TENM4: variants seen among roughly 807,000 people sequenced by gnomAD.
The protein encoded by TENM4 is teneurin transmembrane protein 4.
A neutral mutation model predicts 243.3 loss-of-function variants in TENM4; 82 were observed. That is an observed-to-expected ratio of 0.34 (90% CI 0.28 to 0.40). TENM4 has a LOEUF of 0.40. TENM4 is among the 10% of genes least tolerant of loss of function. The pLI, the probability that TENM4 is intolerant of heterozygous loss-of-function variation, is 1.00. For synonymous variants in TENM4, 1,412 were observed against 1,456.3 expected (o/e 0.97, Z 0.69); for missense variants, 3,138 against 3,673.3 (o/e 0.85, Z 3.77).
intron 6 of TENM4, among the ~76,000 whole-genome samples, chr11:79,034,492 T>C (rs1859325965): frequency 6.6e-6 from 1 of 152,206 alleles, no homozygotes; most frequent in African/African-American, 2.4e-5. Context: ...ATTACAGACA[T>C]TTTTAGCTTT....
In TENM4 at chr11:78,669,694, G is replaced by A. The variant is rs61747204; in HGVS notation, c.6651C>T (p.Tyr2217=). The part of the protein sequence containing the change: ...INDKPLWRYS[Y]DLNGNLHLLS... ...GTAAGTGCAGGTTCCCATTGAGGTCGTAGCTGTAGCGCCAGAGTGGCTTGT... is the reference window on the plus strand; with the variant it reads ...GTAAGTGCAGGTTCCCATTGAGGTCATAGCTGTAGCGCCAGAGTGGCTTGT... The change falls in exon 32 of 34, where the codon TAC becomes TAT. Residue 2217 remains tyrosine, a synonymous_variant. Coordinates refer to ENST00000278550, the MANE Select transcript of TENM4 (RefSeq NM_001098816.3). This position sits in a 1 kb window ranked among gnomAD's most constrained non-coding sequence, Gnocchi z 6.4. 8,507 of 1,614,014 alleles carry A rather than the reference G, an allele frequency of 5.3e-3. 369 individuals are homozygous for A. In the African/African-American group the frequency reaches 0.098, roughly 19 times the overall value.
At chr11:78,724,679 T>A (rs1380339564) in intron 23 of TENM4, among the ~76,000 whole-genome samples, 1 of 152,228 alleles carries the variant, frequency 6.6e-6, no homozygotes, top group Non-Finnish European at 1.5e-5. Context: ...TCCCTGCTAT[T>A]TAGCTGGGCA....
intron 1 of TENM4, among the ~76,000 whole-genome samples, chr11:79,423,601 C>T (rs544197099): frequency 4.2e-4 from 51 of 121,842 alleles, no homozygotes; most frequent in Non-Finnish European, 6.6e-4. Flanking sequence ...TCATACTTAA[C>T]AAGGTGGGGA....
chr11:78,932,252 T>C (rs1254444221), intron 6 of TENM4, among the ~76,000 whole-genome samples: 1 of 151,228 alleles, frequency 6.6e-6, no homozygotes, highest in East Asian at 1.9e-4. Flanking sequence ...AAAACAACAA[T>C]AACCCCCTCA....
At position 78,660,505 on chromosome 11, in the gene TENM4, A is replaced by T. The variant is rs573264067; in HGVS notation, c.7551+944T>A. Among the ~76,000 whole-genome samples the T allele has an allele frequency of 2.6e-5, 4 of 152,240 alleles. No homozygotes were observed. The South Asian group carries it at 8.3e-4, about 32-fold the overall frequency. ...CCAGCGTACAGGGGTGCAGAATCCCATTCTCCGGGGTCTGGTAGGAGATAG... is the reference window on the plus strand; with the variant it reads ...CCAGCGTACAGGGGTGCAGAATCCCTTTCTCCGGGGTCTGGTAGGAGATAG... On this transcript the variant is annotated intron_variant, in intron 33 of 33. Coordinates refer to ENST00000278550, the MANE Select transcript of TENM4 (RefSeq NM_001098816.3).
rs59227835 is a variant in TENM4 at position 79,286,499 on chromosome 11, CAAAA to C, written c.-265+10985_-265+10988del. On this transcript the variant is annotated intron_variant, in intron 2 of 33. Coordinates refer to ENST00000278550, the MANE Select transcript of TENM4 (RefSeq NM_001098816.3). ...GAAACCCCGTCTCTACTAAAAAATC[CAAAA>C]AAAAAAAAAAAAAAAATTAGCTGGG... Among the ~76,000 whole-genome samples, 483 of 126,486 alleles carry C rather than the reference CAAAA, an allele frequency of 3.8e-3. 2 individuals are homozygous for C. The highest frequency in any genetic ancestry group is 5.7e-3 in the East Asian group (26 of 4,522). 83.0% of individuals were successfully genotyped at this position (126,486 alleles called of 152,430 possible).
chr11:79,073,861 G>T (rs570726546), intron 4 of TENM4, among the ~76,000 whole-genome samples: 5 of 152,298 alleles, frequency 3.3e-5, no homozygotes, highest in African/African-American at 1.2e-4. Flanking sequence ...CACATTTTCT[G>T]TTTAAAAGGC....
chr11:79,385,573 T>G (rs548074), intron 1 of TENM4, among the ~76,000 whole-genome samples: 81,571 of 151,954 alleles, frequency 0.54, 21,861 homozygotes, highest in East Asian at 0.56. Context: ...TAATGCCTAA[T>G]TACAAATTAT....
chr11:78,745,225 T>C (rs1200158738), intron 19 of TENM4, among the ~76,000 whole-genome samples: 1 of 144,102 alleles, frequency 6.9e-6, no homozygotes, highest in Non-Finnish European at 1.5e-5. Context: ...TTTTTTCTTT[T>C]TCTTTTTTTT....
chr11:78,722,605 G>A (rs562087898), intron 24 of TENM4, 63 bp downstream of exon 24: 19 of 1,563,714 alleles, frequency 1.2e-5, no homozygotes, highest in East Asian at 4.5e-5. Context: ...GTAATGTGGC[G>A]GGGCCCAAAG....
At chr11:78,795,272 A>G (rs1186397899) in intron 15 of TENM4, among the ~76,000 whole-genome samples, 1 of 152,152 alleles carries the variant, frequency 6.6e-6, no homozygotes, top group Admixed American at 6.5e-5. Context: ...CCATCATCAA[A>G]TTAATCTCTG....
intron 2 of TENM4, among the ~76,000 whole-genome samples, chr11:79,277,256 G>A (rs1013630790): frequency 6.6e-6 from 1 of 152,206 alleles, no homozygotes; most frequent in Non-Finnish European, 1.5e-5. Context: ...GGATGAGGAT[G>A]GGTGGTTCTG....
intron 12 of TENM4, among the ~76,000 whole-genome samples, chr11:78,842,385 A>C (rs1183623295): frequency 6.6e-6 from 1 of 152,176 alleles, no homozygotes; most frequent in East Asian, 1.9e-4. Context: ...CTCTTCTCTC[A>C]TCTAATCCCA....
intron 6 of TENM4, among the ~76,000 whole-genome samples, chr11:79,047,484 G>T (rs954660608): frequency 2.0e-5 from 3 of 152,234 alleles, no homozygotes; most frequent in African/African-American, 7.2e-5. Context: ...TGCAATGACA[G>T]CAGCTCCCGG....
intron 7 of TENM4, among the ~76,000 whole-genome samples, chr11:78,895,375 T>A (rs1003770054): frequency 6.6e-6 from 1 of 151,990 alleles, no homozygotes; most frequent in African/African-American, 2.4e-5. Flanking sequence ...AGTCTTGTTC[T>A]GTACTTTTAA....
chr11:79,021,934 A>G (rs1180350830), intron 6 of TENM4: 2 of 152,268 alleles, frequency 1.3e-5, no homozygotes, highest in African/African-American at 4.8e-5. Flanking sequence ...TTGAGCAAGT[A>G]AAAGACCCAG....
chr11:78,829,244 C>G (rs1393457202), intron 12 of TENM4, among the ~76,000 whole-genome samples: 2 of 152,186 alleles, frequency 1.3e-5, no homozygotes, highest in African/African-American at 4.8e-5. Context: ...AGGGGTGGAT[C>G]TTGTCTCTGG....
chr11:79,032,528 C>T lies in TENM4; in HGVS notation c.493+32210G>A, dbSNP rs908449806. Among the ~76,000 whole-genome samples, 8 of 152,234 alleles carry T rather than the reference C, an allele frequency of 5.3e-5. No homozygotes were observed. In the East Asian group the frequency reaches 1.5e-3, roughly 29 times the overall value. ...ATAAGTTTCTAAAAGGCGCCTCCTGCAGTGAGAAGTGTGTGATAGGCATGA... is the reference window on the plus strand; with the variant it reads ...ATAAGTTTCTAAAAGGCGCCTCCTGTAGTGAGAAGTGTGTGATAGGCATGA... On this transcript the variant is annotated intron_variant, in intron 6 of 33. Coordinates refer to ENST00000278550, the MANE Select transcript of TENM4 (RefSeq NM_001098816.3).
intron 7 of TENM4, among the ~76,000 whole-genome samples, chr11:78,896,669 A>G (rs924669333): frequency 2.6e-5 from 4 of 152,046 alleles, no homozygotes; most frequent in African/African-American, 9.7e-5. Context: ...TCAGCTAAAA[A>G]TTCCTTTCTC....
Sources: gnomAD v4.1 joint callset for allele counts (sites outside exome capture counted in the v4.1 genomes callset) on GRCh38, gnomAD v4.1.1 for gene constraint, Gnocchi (gnomAD v3.1) non-coding constraint, MANE v1.5 for transcripts, NCBI Gene and HGNC (gene_info 2026-07-23, HGNC 2026-07-21) for gene names.